CCDC63: variants seen among roughly 807,000 people sequenced by gnomAD.
CCDC63 encodes coiled-coil domain containing 63, also known as coiled-coil domain-containing protein 63.
Under a neutral mutation model 63.6 loss-of-function variants are expected in CCDC63, and 54 were observed. That is an observed-to-expected ratio of 0.85 (90% CI 0.68 to 1.07). The LOEUF is 1.07. CCDC63 is among the 50% of genes least tolerant of loss of function. The pLI is 0.00. For missense variants in CCDC63, 637 were observed against 689.6 expected, an observed-to-expected ratio of 0.92 and a Z score of 0.86; for synonymous variants, 253 against 266.1, an observed-to-expected ratio of 0.95 and a Z score of 0.48.
intron 4 of CCDC63, among the ~76,000 whole-genome samples, chr12:110,862,801 A>G (rs1207720007): frequency 6.7e-6 from 1 of 150,292 alleles, no homozygotes; most frequent in African/African-American, 2.5e-5. Context: ...TGTCACCCAG[A>G]CTGGAGTGCA....
intron 10 of CCDC63, among the ~76,000 whole-genome samples, chr12:110,899,595 C>T (rs1404409422): frequency 6.6e-6 from 1 of 151,994 alleles, no homozygotes; most frequent in African/African-American, 2.4e-5. Flanking sequence ...GCTGGGATTA[C>T]AGGTATGAGC....
intron 8 of CCDC63, among the ~76,000 whole-genome samples, chr12:110,890,857 A>C (rs1346542974): frequency 7.0e-6 from 1 of 143,596 alleles, no homozygotes; most frequent in Non-Finnish European, 1.5e-5. Flanking sequence ...GCTCATTGCA[A>C]CCTCCGCCTC....
intron 4 of CCDC63, among the ~76,000 whole-genome samples, chr12:110,866,809 G>A (rs1183651445): frequency 6.7e-6 from 1 of 148,234 alleles, no homozygotes; most frequent in Non-Finnish European, 1.5e-5. Context: ...TTGTCATCCT[G>A]GCCCGTTCTC....
chr12:110,865,464 C>CAAAAAAAAAA (rs10585238), intron 4 of CCDC63, among the ~76,000 whole-genome samples: 230 of 101,924 alleles, frequency 2.3e-3, no homozygotes, highest in Middle Eastern at 5.7e-3. Flanking sequence ...CAGCATATAC[C>CAAAAAAAAAA]AAAAAAAAAA....
Position 110,879,900 on chromosome 12 carries a change from C to A in CCDC63, c.490-6C>A, listed in dbSNP as rs2071175333. ...GACCTGTTTTGAAGCATGGCCCTTT[C>A]AACAGGTCACTGTTCACTTTGACAA... is the stretch of plus-strand genomic sequence containing the variant. On this transcript the variant is annotated splice_polypyrimidine_tract_variant and splice_region_variant and intron_variant, in intron 5 of 11. Transcript: ENST00000308208. 2 of 1,613,846 alleles carry A rather than the reference C, an allele frequency of 1.2e-6. No homozygotes were observed. The highest frequency in any genetic ancestry group is 1.7e-6 in the Non-Finnish European group (2 of 1,179,798).
intron 4 of CCDC63, 51 bp from the exon 5 acceptor site, chr12:110,873,790 AC>A: frequency 6.2e-7 from 1 of 1,601,382 alleles, no homozygotes; most frequent in East Asian, 2.2e-5. Flanking sequence ...TAGAACGGGT[AC>A]CCATACAGAT....
At chr12:110,849,991 G>A (rs1030019508) in intron 1 of CCDC63, among the ~76,000 whole-genome samples, 1 of 152,180 alleles carries the variant, frequency 6.6e-6, no homozygotes, top group African/African-American at 2.4e-5. Flanking sequence ...TCAGATTTGT[G>A]TTAGGCAGAA....
Position 110,859,843 on chromosome 12 carries a change from C to T in CCDC63, c.369+1068C>T, listed in dbSNP as rs528353664. Among the ~76,000 whole-genome samples the T allele has an allele frequency of 1.6e-4, 25 of 152,208 alleles. 1 individual carries two copies. The South Asian group carries it at 3.7e-3, about 23-fold the overall frequency. On this transcript the variant is annotated intron_variant, in intron 4 of 11. Coordinates refer to ENST00000308208, the MANE Select transcript of CCDC63 (RefSeq NM_152591.3). Reference sequence around the variant, plus strand: ...CCTTACCCTGGCTTGAAAGGCCCTGCGTGATCTAGCCCCTGCCTACCCCTT... The same window carrying T: ...CCTTACCCTGGCTTGAAAGGCCCTGTGTGATCTAGCCCCTGCCTACCCCTT...
At chr12:110,862,057 C>T (rs936026158) in intron 4 of CCDC63, among the ~76,000 whole-genome samples, 4 of 152,164 alleles carry the variant, frequency 2.6e-5, no homozygotes, top group African/African-American at 4.8e-5. Context: ...ATTATCATCA[C>T]CCACCCCTGC....
intron 9 of CCDC63, among the ~76,000 whole-genome samples, chr12:110,893,990 CA>C (rs35844792): frequency 0.29 from 34,215 of 117,356 alleles, 3,993 homozygotes; most frequent in African/African-American, 0.38. Context: ...GACCCTGTCT[CA>C]AAAAAAAAAA....
chr12:110,878,889 AC>A (rs200152326), intron 5 of CCDC63, among the ~76,000 whole-genome samples: 1,609 of 152,292 alleles, frequency 0.011, 13 homozygotes, highest in Non-Finnish European at 0.014. Context: ...CCTTTAAAAA[AC>A]AACTTTTAAA....
At chr12:110,906,605 A>C (rs1052828797) in intron 11 of CCDC63, among the ~76,000 whole-genome samples, 1 of 152,018 alleles carries the variant, frequency 6.6e-6, no homozygotes, top group African/African-American at 2.4e-5. Context: ...AAGTGTGCCA[A>C]GGATGTAGAG....
At position 110,889,518 on chromosome 12, in the gene CCDC63, A is replaced by AAACAGC; in HGVS notation, c.1075-3550_1075-3545dup. 1.3e-5 allele frequency among the ~76,000 whole-genome samples: 2 copies of AAACAGC among 152,214 alleles called. No homozygotes were observed. The highest frequency in any genetic ancestry group is 3.9e-4 in the East Asian group (2 of 5,174). On this transcript the variant is annotated intron_variant, in intron 8 of 11. Transcript: ENST00000308208. The surrounding 1 kb of genome is among the most constrained non-coding windows in gnomAD (Gnocchi z 4.1). ...TGGGGAAGAACGCTCCAGGCAGAGG[A>AAACAGC]AACAGCAACAGCACACGCAAAGGCC...
intron 10 of CCDC63, among the ~76,000 whole-genome samples, chr12:110,899,608 C>A (rs2071460292): frequency 6.6e-6 from 1 of 152,040 alleles, no homozygotes; most frequent in African/African-American, 2.4e-5. Flanking sequence ...GTATGAGCCA[C>A]TGCACCTGGC....
chr12:110,863,392 G>A (rs1177809674), intron 4 of CCDC63, among the ~76,000 whole-genome samples: 2 of 152,092 alleles, frequency 1.3e-5, no homozygotes, highest in African/African-American at 4.8e-5. Context: ...GATCATCCGA[G>A]CTGCCACTCG....
At chr12:110,852,459 A>T (rs2136640275) in intron 1 of CCDC63, among the ~76,000 whole-genome samples, 1 of 152,124 alleles carries the variant, frequency 6.6e-6, no homozygotes, top group South Asian at 2.1e-4. Context: ...ACAGAGTTTC[A>T]CCATGTTGAC....
At chr12:110,860,892 A>G (rs1593646100) in intron 4 of CCDC63, among the ~76,000 whole-genome samples, 1 of 152,210 alleles carries the variant, frequency 6.6e-6, no homozygotes, top group East Asian at 1.9e-4. Context: ...TGCAGCCAAG[A>G]CAGGAAGTTT....
chr12:110,871,100 A>G (rs1246374004), intron 4 of CCDC63, among the ~76,000 whole-genome samples: 2 of 152,106 alleles, frequency 1.3e-5, no homozygotes, highest in Non-Finnish European at 2.9e-5. Flanking sequence ...GACCTCCTAA[A>G]TACACAGCCC....
chr12:110,870,263 G>A (rs1396043485), intron 4 of CCDC63, among the ~76,000 whole-genome samples: 1 of 152,108 alleles, frequency 6.6e-6, no homozygotes. Flanking sequence ...TGTATTTCTA[G>A]TAGAGACGGG....
Sources: allele counts gnomAD v4.1 joint callset (sites outside exome capture counted in the v4.1 genomes callset), GRCh38; gene constraint gnomAD v4.1.1; non-coding constraint Gnocchi (gnomAD v3.1); transcripts MANE v1.5; gene names NCBI Gene and HGNC (gene_info 2026-07-23, HGNC 2026-07-21).